The following PCDHGA1 variants were observed in gnomAD, a reference collection of about 807,000 sequenced individuals.
PCDHGA1 encodes protocadherin gamma subfamily A, 1.
In PCDHGA1, 32 loss-of-function variants were observed where a neutral mutation model predicts 58.0. That is an observed-to-expected ratio of 0.55 (90% confidence interval 0.42 to 0.74). PCDHGA1 has a LOEUF of 0.74. Ranked by LOEUF, PCDHGA1 falls within the 30% of genes least tolerant of loss-of-function variation. The probability of loss-of-function intolerance (pLI) is 0.00; values close to 1 mark genes in which losing one functional copy is unlikely to be tolerated. For synonymous variants in PCDHGA1, 498 were observed against 501.1 expected (o/e 0.99, Z 0.08); for missense variants, 1,205 against 1,182.3 (o/e 1.02, Z -0.28).
At chr5:141,423,227 A>C (rs1305722929) in intron 1 of PCDHGA1, 5 of 1,613,634 alleles carry the variant, frequency 3.1e-6, no homozygotes, top group Non-Finnish European at 2.5e-6. Context: ...GCTGTGGCCG[A>C]CAGCATCCCC....
At chr5:141,410,078 G>A (rs1258292051) in intron 1 of PCDHGA1, 1 of 1,612,820 alleles carries the variant, frequency 6.2e-7, no homozygotes, top group Non-Finnish European at 8.5e-7. Flanking sequence ...CACTGGGGAG[G>A]TGCGCACGGC....
At chr5:141,466,095 C>T (rs1170423552) in intron 1 of PCDHGA1, among the ~76,000 whole-genome samples, 1 of 152,038 alleles carries the variant, frequency 6.6e-6, no homozygotes, top group African/African-American at 2.4e-5. Flanking sequence ...GCACTCCAGC[C>T]TGGGCAACAG....
chr5:141,410,109 ACG>A, intron 1 of PCDHGA1: 1 of 1,612,496 alleles, frequency 6.2e-7, no homozygotes, highest in Non-Finnish European at 8.5e-7. Flanking sequence ...GGCGACAGGG[ACG>A]CAGCCCGCCA....
chr5:141,478,364 G>A (rs1382073187), intron 1 of PCDHGA1: 2 of 1,613,660 alleles, frequency 1.2e-6, no homozygotes, highest in African/African-American at 2.7e-5. Flanking sequence ...CGTGCGGGGA[G>A]GCCTGATGTC....
intron 1 of PCDHGA1, chr5:141,420,388 A>G (rs986892784): frequency 3.1e-6 from 4 of 1,282,144 alleles, no homozygotes; most frequent in Non-Finnish European, 4.1e-6. Context: ...TTCGCAAAAT[A>G]TAGGTCAAAT....
intron 1 of PCDHGA1, chr5:141,415,740 G>GTTTTTTTTTTTTTTTTTTTTTTTTTTTTT (rs57426385): frequency 8.0e-6 from 5 of 625,030 alleles, no homozygotes; most frequent in African/African-American, 2.5e-5. Flanking sequence ...GTTTATTAAG[G>GTTTTTTTTTTTTTTTTTTTTTTTTTTTTT]TTTTTTTTTT....
intron 1 of PCDHGA1, among the ~76,000 whole-genome samples, chr5:141,484,321 G>A (rs2099594762): frequency 6.6e-6 from 1 of 152,124 alleles, no homozygotes; most frequent in Non-Finnish European, 1.5e-5. Flanking sequence ...CTTCCATACT[G>A]TCCTTGAAAT....
intron 1 of PCDHGA1, chr5:141,404,805 C>T (rs770534822): frequency 1.7e-5 from 28 of 1,613,842 alleles, no homozygotes; most frequent in Admixed American, 6.7e-5. Context: ...GGGCTCTTCT[C>T]GGTGGGGCTG....
chr5:141,357,730 A>G (rs1330866437), intron 1 of PCDHGA1: 2 of 1,357,402 alleles, frequency 1.5e-6, no homozygotes, highest in Non-Finnish European at 2.0e-6. Flanking sequence ...CTCTTTTAAT[A>G]TTTTATTGCT....
chr5:141,386,504 T>A (rs1351334049), intron 1 of PCDHGA1, among the ~76,000 whole-genome samples: 1 of 84,712 alleles, frequency 1.2e-5, no homozygotes, highest in Non-Finnish European at 2.3e-5. Flanking sequence ...AACAAGACTC[T>A]GTCTCTTCAA....
chr5:141,372,729 G>T, intron 1 of PCDHGA1: 1 of 1,613,602 alleles, frequency 6.2e-7, no homozygotes. Context: ...TGCACCACAA[G>T]ATCTTCTATG....
At position 141,431,134 on chromosome 5, in the gene PCDHGA1, C is replaced by T; in HGVS notation, c.2422-63673C>T. 1 of 1,614,212 alleles carries T rather than the reference C, an allele frequency of 6.2e-7. No homozygotes were observed. The highest frequency in any genetic ancestry group is 2.2e-5 in the East Asian group (1 of 44,890). On this transcript the variant is annotated intron_variant, in intron 1 of 3. Coordinates refer to ENST00000517417, the MANE Select transcript of PCDHGA1 (RefSeq NM_018912.3). This position sits in a 1 kb window ranked among gnomAD's most constrained non-coding sequence, Gnocchi z 4.8. ...ATGGAGTAGAAGTAGAAGTAAGGGA[C>T]ATTAACGACAATGCGCCTTACTTTC...
At chr5:141,420,077 C>A (rs760626443) in intron 1 of PCDHGA1, 1 of 1,613,900 alleles carries the variant, frequency 6.2e-7, no homozygotes, top group Non-Finnish European at 8.5e-7. Context: ...ACCTGTGGGT[C>A]CCCCCAACTA....
At chr5:141,400,191 A>G (rs781032596) in intron 1 of PCDHGA1, 2 of 1,613,970 alleles carry the variant, frequency 1.2e-6, no homozygotes, top group Non-Finnish European at 1.7e-6. Context: ...AGTTTTACCT[A>G]GTGGTGGCCT....
chr5:141,432,286 C>T lies in PCDHGA1; in HGVS notation c.2422-62521C>T. ...TATCGTCCTACGTGTCCATCAACTCCGACACTGGGGTACTGTATGCGCTGA... is the reference window on the plus strand; with the variant it reads ...TATCGTCCTACGTGTCCATCAACTCTGACACTGGGGTACTGTATGCGCTGA... On this transcript the variant is annotated intron_variant, in intron 1 of 3. Transcript: ENST00000517417. This position sits in a 1 kb window ranked among gnomAD's most constrained non-coding sequence, Gnocchi z 6.0. 3 of 1,614,252 alleles carry T rather than the reference C, an allele frequency of 1.9e-6. No homozygotes were observed. Among genetic ancestry groups the T allele is most frequent in the Non-Finnish European group, 2.5e-6 (3 of 1,180,048 alleles).
Position 141,340,851 on chromosome 5 carries a change from G to T in PCDHGA1, c.2421+7746G>T, listed in dbSNP as rs138760869. The T allele has an allele frequency of 4.3e-6, 7 of 1,613,484 alleles. No homozygotes were observed. The African/African-American group carries it at 8.0e-5, about 18-fold the overall frequency. On this transcript the variant is annotated intron_variant, in intron 1 of 3. Coordinates refer to ENST00000517417, the MANE Select transcript of PCDHGA1 (RefSeq NM_018912.3). ...GTGGGTCTGCACACGGGCGAGGTGC[G>T]CACGGCGCGAGCCCTGCTGGACAGA... is the stretch of plus-strand genomic sequence containing the variant.
At chr5:141,427,912 A>G in intron 1 of PCDHGA1, 1 of 1,577,806 alleles carries the variant, frequency 6.3e-7, no homozygotes, top group East Asian at 2.2e-5. Flanking sequence ...CTCAGCGCCA[A>G]CATGAGCCGG....
rs115565444 is a variant in PCDHGA1, at chr5:141,487,520, G to A, written c.2422-7287G>A. On this transcript the variant is annotated intron_variant, in intron 1 of 3. Transcript: ENST00000517417. This position sits in a 1 kb window ranked among gnomAD's most constrained non-coding sequence, Gnocchi z 5.0. ...CTTGGCTTCTGCACCCACTCGGAGT[G>A]ATAGCTTCATGATGGTGAAGTCACC... is the stretch of plus-strand genomic sequence containing the variant. The A allele has an allele frequency of 3.3e-4, 540 of 1,614,166 alleles. 6 individuals carry two copies. The East Asian group carries it at 8.7e-3, about 26-fold the overall frequency.
At chr5:141,492,195 CTT>C (rs1240529719) in intron 1 of PCDHGA1, among the ~76,000 whole-genome samples, 1 of 152,242 alleles carries the variant, frequency 6.6e-6, no homozygotes, top group Non-Finnish European at 1.5e-5. Context: ...GTCTGCGGGA[CTT>C]AGGTGTGCGC....
Sources: gnomAD v4.1 joint callset for allele counts (sites outside exome capture counted in the v4.1 genomes callset) on GRCh38, gnomAD v4.1.1 for gene constraint, Gnocchi (gnomAD v3.1) non-coding constraint, MANE v1.5 for transcripts, NCBI Gene and HGNC (gene_info 2026-07-23, HGNC 2026-07-21) for gene names.